Variants in NHSL3 observed in about 807,000 individuals in gnomAD.
NHSL3 encodes NHS like 3.
the NHSL3 span, among the ~76,000 whole-genome samples, chr1:32,748,241 T>C: frequency 6.6e-6 from 1 of 152,186 alleles, no homozygotes; most frequent in South Asian, 2.1e-4. Flanking sequence ...ACCACGCCAC[T>C]GTACTCCAGC....
the NHSL3 span, among the ~76,000 whole-genome samples, chr1:32,748,757 CTGCTATGGGATACCTCCAATAGGGGAG>C: frequency 2.0e-5 from 3 of 152,158 alleles, no homozygotes; most frequent in Non-Finnish European, 1.5e-5. Flanking sequence ...GGAGTTCCCT[CTGCTATGGGATACCTCCAATAGGGGAG>C]TGGTTTCCCA....
the NHSL3 span, chr1:32,770,972 T>C: frequency 2.1e-6 from 2 of 945,242 alleles, no homozygotes; most frequent in Non-Finnish European, 3.1e-6. This position sits in a 1 kb window ranked among gnomAD's most constrained non-coding sequence, Gnocchi z 8.3. Context: ...CCCAAGGGCC[T>C]GGCAGGTCCC....
the NHSL3 span, among the ~76,000 whole-genome samples, chr1:32,750,168 C>A: frequency 6.6e-6 from 1 of 152,170 alleles, no homozygotes; most frequent in Admixed American, 6.5e-5. Flanking sequence ...GGGAAGTCAG[C>A]CAAGTCCCTG....
At chr1:32,754,586 C>T in the NHSL3 span, among the ~76,000 whole-genome samples, 14 of 152,154 alleles carry the variant, frequency 9.2e-5, no homozygotes, top group Non-Finnish European at 1.5e-4. Flanking sequence ...GGCACACAGT[C>T]GTTCACACAC....
At chr1:32,769,939 G>T in the NHSL3 span, 10 of 1,607,246 alleles carry the variant, frequency 6.2e-6, no homozygotes, top group African/African-American at 4.0e-5. Flanking sequence ...ACGGGATGCC[G>T]TACGCATCCC....
chr1:32,759,478 A>G, the NHSL3 span, among the ~76,000 whole-genome samples: 1 of 152,224 alleles, frequency 6.6e-6, no homozygotes, highest in Non-Finnish European at 1.5e-5. Flanking sequence ...TCATTAGGAC[A>G]TTTATTAATA....
At chr1:32,756,169 GC>G in the NHSL3 span, among the ~76,000 whole-genome samples, 1 of 152,170 alleles carries the variant, frequency 6.6e-6, no homozygotes, top group Non-Finnish European at 1.5e-5. Flanking sequence ...AGTGTGAGGG[GC>G]TAGGAAATAT....
chr1:32,754,991 G>A, the NHSL3 span, among the ~76,000 whole-genome samples: 1 of 140,900 alleles, frequency 7.1e-6, no homozygotes, highest in Non-Finnish European at 1.5e-5. Context: ...TGCAGCCACC[G>A]AGCTGGAACG....
chr1:32,759,042 G>A, the NHSL3 span, among the ~76,000 whole-genome samples: 1 of 152,196 alleles, frequency 6.6e-6, no homozygotes, highest in Non-Finnish European at 1.5e-5. Flanking sequence ...GGGAGAGGAG[G>A]CTGCTGGTGG....
chr1:32,749,631 A>ATTT, the NHSL3 span, among the ~76,000 whole-genome samples: 1 of 152,168 alleles, frequency 6.6e-6, no homozygotes, highest in Non-Finnish European at 1.5e-5. Flanking sequence ...TTCAGACTTC[A>ATTT]AATGGAAAAT....
chr1:32,747,688 C>A, the NHSL3 span, among the ~76,000 whole-genome samples: 5 of 151,446 alleles, frequency 3.3e-5, no homozygotes, highest in African/African-American at 1.2e-4. Flanking sequence ...GGTGGCTGGG[C>A]GTGGTGGCTC....
chr1:32,751,838 T>A, the NHSL3 span, among the ~76,000 whole-genome samples: 1 of 151,962 alleles, frequency 6.6e-6, no homozygotes, highest in African/African-American at 2.4e-5. Flanking sequence ...AGAGATGAGG[T>A]CGGAGATGAG....
At chr1:32,753,223 G>T in the NHSL3 span, among the ~76,000 whole-genome samples, 1 of 151,566 alleles carries the variant, frequency 6.6e-6, no homozygotes, top group African/African-American at 2.4e-5. Flanking sequence ...TGTGGCTCAC[G>T]CCTGTAATCC....
chr1:32,756,393 C>T, the NHSL3 span, among the ~76,000 whole-genome samples: 1 of 149,800 alleles, frequency 6.7e-6, no homozygotes, highest in East Asian at 2.0e-4. Flanking sequence ...GCCTGTAATC[C>T]CAGCATTTTG....
chr1:32,770,813 C>G, the NHSL3 span: 6 of 1,598,652 alleles, frequency 3.8e-6, no homozygotes, highest in South Asian at 4.5e-5. This position sits in a 1 kb window ranked among gnomAD's most constrained non-coding sequence, Gnocchi z 8.3. Context: ...TCAGAAGGGG[C>G]GGGGGCAGCA....
the NHSL3 span, among the ~76,000 whole-genome samples, chr1:32,755,357 C>CG: frequency 6.6e-6 from 1 of 152,132 alleles, no homozygotes; most frequent in African/African-American, 2.4e-5. Flanking sequence ...GGAGAATCTA[C>CG]GGGTGTATTC....
At chr1:32,752,901 G>GCA in the NHSL3 span, among the ~76,000 whole-genome samples, 32 of 71,634 alleles carry the variant, frequency 4.5e-4, no homozygotes, top group African/African-American at 1.3e-3. Flanking sequence ...AAAAAAACAT[G>GCA]CACACACACA....
chr1:32,749,640 A>G, the NHSL3 span, among the ~76,000 whole-genome samples: 2 of 152,164 alleles, frequency 1.3e-5, no homozygotes, highest in East Asian at 3.9e-4. Context: ...CAAATGGAAA[A>G]TCGCATCCCA....
the NHSL3 span, chr1:32,753,930 T>C: frequency 3.8e-6 from 1 of 261,156 alleles, no homozygotes; most frequent in Non-Finnish European, 7.5e-6. Context: ...GCCCCCGGCC[T>C]GGCCATTGGC....
Sources: gnomAD v4.1 joint callset for allele counts (sites outside exome capture counted in the v4.1 genomes callset) on GRCh38, gnomAD v4.1.1 for gene constraint, Gnocchi (gnomAD v3.1) non-coding constraint, MANE v1.5 for transcripts, NCBI Gene and HGNC (gene_info 2026-07-23, HGNC 2026-07-21) for gene names.